RIMS2: variants seen among roughly 807,000 people sequenced by gnomAD.
RIMS2 encodes the protein regulating synaptic membrane exocytosis 2, also known as regulating synaptic membrane exocytosis protein 2.
A neutral mutation model predicts 174.4 loss-of-function variants in RIMS2; 59 were observed. That is an observed-to-expected ratio of 0.34 (90% CI 0.27 to 0.42). The LOEUF (loss-of-function observed/expected upper bound fraction) is 0.42. RIMS2 is among the 10% of genes least tolerant of loss of function. The pLI is 1.00. For synonymous variants in RIMS2, 606 were observed against 572.5 expected, an observed-to-expected ratio of 1.06 and a Z score of -0.84; for missense variants, 1,620 against 1,666.3, an observed-to-expected ratio of 0.97 and a Z score of 0.48.
intron 15 of RIMS2, among the ~76,000 whole-genome samples, chr8:103,971,167 T>G (rs1286816360): frequency 6.6e-6 from 1 of 152,232 alleles, no homozygotes; most frequent in Non-Finnish European, 1.5e-5. Context: ...AATTATTTTC[T>G]ACTCTGACCT....
intron 19 of RIMS2, among the ~76,000 whole-genome samples, chr8:104,016,031 C>T (rs1212605326): frequency 1.4e-4 from 21 of 151,940 alleles, no homozygotes; most frequent in Admixed American, 1.4e-3. Flanking sequence ...TACATTATGA[C>T]TCAGAAGAAA....
intron 3 of RIMS2, among the ~76,000 whole-genome samples, chr8:103,791,531 G>A (rs1007287450): frequency 2.0e-5 from 3 of 152,074 alleles, no homozygotes; most frequent in Non-Finnish European, 2.9e-5. Context: ...AAAATAACCA[G>A]CTAACATCAT....
At chr8:103,740,806 C>G (rs1164108732) in intron 2 of RIMS2, among the ~76,000 whole-genome samples, 1 of 152,046 alleles carries the variant, frequency 6.6e-6, no homozygotes, top group Non-Finnish European at 1.5e-5. Flanking sequence ...AGTTTGATAA[C>G]TTCAATTAGC....
At chr8:103,569,907 A>G (rs1018919352) in intron 1 of RIMS2, among the ~76,000 whole-genome samples, 7 of 151,600 alleles carry the variant, frequency 4.6e-5, no homozygotes, top group Non-Finnish European at 1.0e-4. Flanking sequence ...TGCTGGGATT[A>G]TAGGTGTGAG....
At chr8:103,602,652 G>A (rs559091200) in intron 1 of RIMS2, among the ~76,000 whole-genome samples, 1 of 152,204 alleles carries the variant, frequency 6.6e-6, no homozygotes, top group South Asian at 2.1e-4. Context: ...TTTTATGGCT[G>A]GATTGTATTT....
intron 19 of RIMS2, among the ~76,000 whole-genome samples, chr8:104,044,484 G>A (rs534567042): frequency 6.7e-6 from 1 of 149,794 alleles, no homozygotes; most frequent in East Asian, 2.0e-4. Context: ...AGAATTTGAA[G>A]ACTCCAAAGA....
chr8:104,159,866 C>G (rs114835462), intron 19 of RIMS2, among the ~76,000 whole-genome samples: 3 of 152,030 alleles, frequency 2.0e-5, no homozygotes, highest in African/African-American at 4.8e-5. Flanking sequence ...TGACTGGGCA[C>G]GGTGGCTCAT....
At chr8:103,710,581 A>G (rs2097291762) in intron 2 of RIMS2, among the ~76,000 whole-genome samples, 1 of 152,168 alleles carries the variant, frequency 6.6e-6, no homozygotes, top group Non-Finnish European at 1.5e-5. Flanking sequence ...ATTAAAAGTA[A>G]TTTACAATAA....
intron 3 of RIMS2, among the ~76,000 whole-genome samples, chr8:103,784,436 G>A (rs80021414): frequency 2.3e-4 from 32 of 140,608 alleles, no homozygotes; most frequent in Non-Finnish European, 3.9e-4. Flanking sequence ...ATCTTGAATT[G>A]ATTTTTGTAT....
intron 1 of RIMS2, among the ~76,000 whole-genome samples, chr8:103,634,676 C>G (rs2096029380): frequency 6.6e-6 from 1 of 152,188 alleles, no homozygotes; most frequent in South Asian, 2.1e-4. Flanking sequence ...TCTCTAGGAA[C>G]TTGCTTTATG....
At chr8:103,782,093 A>C (rs74416734) in intron 3 of RIMS2, among the ~76,000 whole-genome samples, 1 of 148,552 alleles carries the variant, frequency 6.7e-6, no homozygotes, top group African/African-American at 2.5e-5. Flanking sequence ...CAGCTGCTCA[A>C]TTTCGCTCAG....
intron 19 of RIMS2, among the ~76,000 whole-genome samples, chr8:104,144,684 T>C (rs1008147561): frequency 6.6e-6 from 1 of 152,158 alleles, no homozygotes. Flanking sequence ...ACATTTATAT[T>C]TTTCCCCTAA....
chr8:104,124,722 T>A (rs1227944705), intron 19 of RIMS2, among the ~76,000 whole-genome samples: 1 of 152,210 alleles, frequency 6.6e-6, no homozygotes, highest in East Asian at 1.9e-4. Flanking sequence ...GGGCAAAATT[T>A]AGTGCTTGGC....
At chr8:104,090,756 A>C (rs968488518) in intron 19 of RIMS2, among the ~76,000 whole-genome samples, 2 of 151,942 alleles carry the variant, frequency 1.3e-5, no homozygotes, top group South Asian at 2.1e-4. Context: ...ACTAGGAGTC[A>C]GTGGTAAAGT....
intron 19 of RIMS2, among the ~76,000 whole-genome samples, chr8:104,106,986 A>G (rs1055505312): frequency 6.6e-5 from 10 of 152,302 alleles, no homozygotes; most frequent in Non-Finnish European, 1.2e-4. Flanking sequence ...CTGATTCTCC[A>G]TACAGAAAAA....
chr8:104,177,489 C>T (rs2098909844), intron 19 of RIMS2, among the ~76,000 whole-genome samples: 1 of 152,122 alleles, frequency 6.6e-6, no homozygotes, highest in African/African-American at 2.4e-5. Context: ...CTAGCTTTTA[C>T]ATGTTAATCA....
intron 15 of RIMS2, among the ~76,000 whole-genome samples, chr8:103,974,984 TAAG>T: frequency 6.6e-6 from 1 of 152,246 alleles, no homozygotes; most frequent in East Asian, 1.9e-4. Flanking sequence ...AAATAATTGA[TAAG>T]AATTATTTGA....
chr8:104,220,863 T>TC (rs2099151672), intron 19 of RIMS2, among the ~76,000 whole-genome samples: 1 of 152,152 alleles, frequency 6.6e-6, no homozygotes, highest in South Asian at 2.1e-4. Context: ...CACCTCAGCC[T>TC]CCCAAAGTGC....
At chr8:104,048,222 C>A (rs1354527373) in intron 19 of RIMS2, among the ~76,000 whole-genome samples, 2 of 152,060 alleles carry the variant, frequency 1.3e-5, no homozygotes, top group African/African-American at 4.8e-5. Context: ...ATCTGAATAA[C>A]TTTTACAAAG....
Sources: gnomAD v4.1 joint callset for allele counts (sites outside exome capture counted in the v4.1 genomes callset) on GRCh38, gnomAD v4.1.1 for gene constraint, MANE v1.5 for transcripts, NCBI Gene and HGNC (gene_info 2026-07-23, HGNC 2026-07-21) for gene names.